The following CAPZB variants were observed in gnomAD, a reference collection of about 807,000 sequenced individuals.
The protein encoded by CAPZB is capping actin protein of muscle Z-line subunit beta.
A neutral mutation model predicts 38.1 loss-of-function variants in CAPZB; 2 were observed. The observed-to-expected ratio is 0.05, with a 90% confidence interval of 0.02 to 0.17. The LOEUF is 0.17. Among genes scored for constraint, CAPZB ranks in the 10% least tolerant of loss-of-function variants. The pLI is 1.00. For synonymous variants in CAPZB, 107 were observed against 127.4 expected (o/e 0.84, Z 1.08); for missense variants, 161 against 334.2 (o/e 0.48, Z 4.04).
At position 19,377,362 on chromosome 1, in the gene CAPZB, T is replaced by C. The variant is rs80195158; in HGVS notation, c.329+1178A>G. 1.2e-3 allele frequency among the ~76,000 whole-genome samples: 186 copies of C among 152,376 alleles called. 1 individual carries two copies. The highest frequency in any genetic ancestry group is 4.3e-3 in the African/African-American group (179 of 41,590). On this transcript the variant is annotated intron_variant, in intron 4 of 8. Transcript: ENST00000264202. ...TTCAAATTCTAGCTTTTCACCTCCA[T>C]GTCCTGTGGTCTTGTGTGAGTCATT...
chr1:19,343,459 C>T (rs927541379), intron 8 of CAPZB, among the ~76,000 whole-genome samples: 1 of 152,238 alleles, frequency 6.6e-6, no homozygotes, highest in African/African-American at 2.4e-5. Context: ...CATAGCACAG[C>T]CCGACTCACA....
intron 1 of CAPZB, among the ~76,000 whole-genome samples, chr1:19,483,736 C>G (rs1473748812): frequency 2.0e-5 from 3 of 152,228 alleles, no homozygotes; most frequent in African/African-American, 7.2e-5. Flanking sequence ...TCCATCAAGG[C>G]CTGGGGCCAG....
intron 1 of CAPZB, among the ~76,000 whole-genome samples, chr1:19,428,406 C>G (rs1174326074): frequency 6.6e-6 from 1 of 150,622 alleles, no homozygotes; most frequent in Non-Finnish European, 1.5e-5. Context: ...GTCCCACACC[C>G]TCCCCCCACC....
At chr1:19,354,926 T>C (rs1390551320) in intron 6 of CAPZB, among the ~76,000 whole-genome samples, 1 of 152,154 alleles carries the variant, frequency 6.6e-6, no homozygotes, top group Non-Finnish European at 1.5e-5. Context: ...CCCTGGAAGA[T>C]AGGAGTCCAC....
chr1:19,403,516 A>T (rs1365837801), intron 2 of CAPZB, among the ~76,000 whole-genome samples: 2 of 152,214 alleles, frequency 1.3e-5, no homozygotes, highest in African/African-American at 4.8e-5. Context: ...AGACAGGAGG[A>T]AGGGGCAGGG....
intron 1 of CAPZB, among the ~76,000 whole-genome samples, chr1:19,429,492 A>C (rs571962749): frequency 2.0e-5 from 3 of 152,084 alleles, no homozygotes; most frequent in African/African-American, 7.2e-5. Flanking sequence ...GCAAGTCACC[A>C]CCTCATCCCT....
At chr1:19,397,799 G>A (rs2094280120) in intron 2 of CAPZB, among the ~76,000 whole-genome samples, 1 of 149,724 alleles carries the variant, frequency 6.7e-6, no homozygotes. Context: ...CTATGAATGG[G>A]CTACCATGGA....
chr1:19,342,759 G>A, intron 8 of CAPZB: 3 of 1,605,402 alleles, frequency 1.9e-6, no homozygotes, highest in Non-Finnish European at 2.6e-6. Flanking sequence ...TACCTGGATC[G>A]GCTTAATTAT....
intron 1 of CAPZB, among the ~76,000 whole-genome samples, chr1:19,466,278 G>T (rs2094568898): frequency 6.6e-6 from 1 of 152,202 alleles, no homozygotes; most frequent in African/African-American, 2.4e-5. Context: ...AGCTATTCAA[G>T]GTCCTGCCTA....
chr1:19,415,780 C>A (rs1570194710), intron 2 of CAPZB, among the ~76,000 whole-genome samples: 1 of 152,232 alleles, frequency 6.6e-6, no homozygotes, highest in South Asian at 2.1e-4. Context: ...CTCAAGTTAT[C>A]CACCTGCCTT....
rs1484467220 is a variant in CAPZB at position 19,394,463 on chromosome 1, G to A, written c.94-8837C>T. ...TGGCTGGGCACAGTGGCTCACGCCT[G>A]TAATCCCAGCACTCTGGGAGGCTGA... is the stretch of plus-strand genomic sequence containing the variant. On this transcript the variant is annotated intron_variant, in intron 2 of 8. Transcript: ENST00000264202. 3.3e-5 allele frequency among the ~76,000 whole-genome samples: 5 copies of A among 152,062 alleles called. No individual in the cohort carries two copies. In the South Asian group the frequency reaches 6.3e-4, roughly 19 times the overall value.
At position 19,384,005 on chromosome 1, in the gene CAPZB, C is replaced by G. The variant is rs559327869; in HGVS notation, c.215+1500G>C. On this transcript the variant is annotated intron_variant, in intron 3 of 8. Transcript: ENST00000264202. The stretch of plus-strand genomic sequence containing the variant: ...AAGGAGGGCAAAATATAATCTCTAC[C>G]TAATTTCCATTTAAAGCCAGGAAAG... Among the ~76,000 whole-genome samples, 277 of 152,326 alleles carry G rather than the reference C, an allele frequency of 1.8e-3. 1 individual carries two copies. The highest frequency in any genetic ancestry group is 5.5e-3 in the African/African-American group (228 of 41,566).
chr1:19,441,549 C>G (rs192385434), intron 1 of CAPZB, among the ~76,000 whole-genome samples: 1 of 152,016 alleles, frequency 6.6e-6, no homozygotes, highest in Non-Finnish European at 1.5e-5. Context: ...ATGTTCACCC[C>G]TTTTTTTGCA....
intron 6 of CAPZB, among the ~76,000 whole-genome samples, chr1:19,353,876 C>T (rs2094005499): frequency 6.6e-6 from 1 of 152,238 alleles, no homozygotes. Context: ...TGCGGCTCTG[C>T]AGGGTTGATC....
rs1258923242 is a variant in CAPZB, at chr1:19,485,483, TC to T, written c.-46del. 3.4e-5 allele frequency: 42 copies of T among 1,223,750 alleles called. No homozygotes were observed. Among genetic ancestry groups the T allele is most frequent in the Admixed American group, 4.3e-5 (1 of 23,398 alleles). The allele number at this position is 1,223,750 out of a possible 1,614,324, so 75.8% of individuals were successfully genotyped here. On this transcript the variant is annotated 5_prime_UTR_variant, in exon 1 of 9. It introduces an in-frame stop codon into an upstream open reading frame of the 5' UTR. Transcript: ENST00000264202. ...GTCCCGGTCCCGGCGTCAGTGGCTC[TC>T]CCCCCCGCAGCAGGGCCCGGCGCTT...
At chr1:19,429,286 A>G (rs933165225) in intron 1 of CAPZB, among the ~76,000 whole-genome samples, 4 of 151,848 alleles carry the variant, frequency 2.6e-5, no homozygotes. Flanking sequence ...TTTCAAACAA[A>G]AAAAAAAAAG....
Position 19,345,344 on chromosome 1 carries a change from C to A in CAPZB, c.589-92G>T. 3 of 1,025,932 alleles carry A rather than the reference C, an allele frequency of 2.9e-6. No individual in the cohort carries two copies. The South Asian group carries it at 3.8e-5, about 13-fold the overall frequency. The allele number at this position is 1,025,932 out of a possible 1,614,324, so 63.6% of individuals were successfully genotyped here. On this transcript the variant is annotated intron_variant, in intron 6 of 8. Coordinates refer to ENST00000264202, the MANE Select transcript of CAPZB (RefSeq NM_004930.5). ...CCCCACCTCCACGGTCTGCAAAGAG[C>A]CTACTGTTCCCACCGTGGAGCCAGC...
rs55649494 is a variant in CAPZB at position 19,368,662 on chromosome 1, C to CTT, written c.329+9876_329+9877dup. The stretch of plus-strand genomic sequence containing the variant: ...GCTGGCTGGGTCACTGCAAGAATGC[C>CTT]TTTTTTTTTTTTTTTTTTAATTAGA... On this transcript the variant is annotated intron_variant, in intron 4 of 8. Coordinates refer to ENST00000264202, the MANE Select transcript of CAPZB (RefSeq NM_004930.5). Among the ~76,000 whole-genome samples, 1,008 of 132,374 alleles carry CTT rather than the reference C, an allele frequency of 7.6e-3. 19 individuals are homozygous for CTT. The highest frequency in any genetic ancestry group is 0.027 in the African/African-American group (947 of 34,928). The allele number at this position is 132,374 out of a possible 152,430, so 86.8% of individuals were successfully genotyped here.
intron 1 of CAPZB, among the ~76,000 whole-genome samples, chr1:19,478,694 C>T (rs2094615998): frequency 6.6e-6 from 1 of 150,804 alleles, no homozygotes; most frequent in African/African-American, 2.4e-5. Context: ...CACCCGCTTC[C>T]TCCATTTAAC....
Sources: gnomAD v4.1 joint callset for allele counts (sites outside exome capture counted in the v4.1 genomes callset) on GRCh38, gnomAD v4.1.1 for gene constraint, MANE v1.5 for transcripts, NCBI Gene and HGNC (gene_info 2026-07-23, HGNC 2026-07-21) for gene names.